The following METTL25 variants were observed in gnomAD, a reference collection of about 807,000 sequenced individuals.
METTL25 encodes the protein probable methyltransferase-like protein 25.
Under a neutral mutation model 71.6 loss-of-function variants are expected in METTL25, and 64 were observed. That is an observed-to-expected ratio of 0.89 (90% CI 0.73 to 1.10). The LOEUF is 1.10. Among genes scored for constraint, METTL25 ranks in the 50% least tolerant of loss-of-function variants. METTL25 has a pLI of 0.00. For synonymous variants in METTL25, 287 were observed against 250.3 expected, an observed-to-expected ratio of 1.15 and a Z score of -1.38; for missense variants, 807 against 707.0, an observed-to-expected ratio of 1.14 and a Z score of -1.60.
At chr12:82,372,779 TG>T (rs1678396792) in intron 1 of METTL25, among the ~76,000 whole-genome samples, 1 of 152,152 alleles carries the variant, frequency 6.6e-6, no homozygotes, top group Non-Finnish European at 1.5e-5. Flanking sequence ...CCTGTGATTT[TG>T]GTTTGTTTGT....
intron 7 of METTL25, among the ~76,000 whole-genome samples, chr12:82,437,714 A>T (rs1890021355): frequency 6.6e-6 from 1 of 151,748 alleles, no homozygotes; most frequent in Admixed American, 6.6e-5. Flanking sequence ...AACTCCATGG[A>T]TATACACGTT....
At chr12:82,475,958 G>T (rs1219092535) in intron 9 of METTL25, among the ~76,000 whole-genome samples, 1 of 151,958 alleles carries the variant, frequency 6.6e-6, no homozygotes, top group African/African-American at 2.4e-5. Context: ...TCAGATTTTG[G>T]AGCATTTCAG....
chr12:82,383,053 G>A (rs964116944), intron 1 of METTL25, among the ~76,000 whole-genome samples: 13 of 152,120 alleles, frequency 8.5e-5, no homozygotes, highest in African/African-American at 3.1e-4. Flanking sequence ...AGAGGGAGGT[G>A]TAGAGGGGAG....
intron 1 of METTL25, among the ~76,000 whole-genome samples, chr12:82,378,612 C>T (rs938867370): frequency 2.0e-5 from 3 of 152,090 alleles, no homozygotes; most frequent in Non-Finnish European, 4.4e-5. Flanking sequence ...AAGAAAAATA[C>T]AGTTTTAAGA....
chr12:82,439,960 C>A, intron 8 of METTL25: 1 of 288,300 alleles, frequency 3.5e-6, no homozygotes, highest in Non-Finnish European at 5.2e-6. Flanking sequence ...GCTCCACATG[C>A]CTGTGTTCCT....
chr12:82,407,499 A>C (rs1300820697), intron 5 of METTL25, among the ~76,000 whole-genome samples: 1 of 152,192 alleles, frequency 6.6e-6, no homozygotes, highest in Non-Finnish European at 1.5e-5. Flanking sequence ...CTTACCCATC[A>C]AGAATCATTG....
At chr12:82,428,177 A>G (rs565554989) in intron 5 of METTL25, among the ~76,000 whole-genome samples, 1 of 152,020 alleles carries the variant, frequency 6.6e-6, no homozygotes, top group African/African-American at 2.4e-5. Flanking sequence ...TGGAATTTGC[A>G]CATATAATTT....
chr12:82,369,902 C>T (rs1398033103), intron 1 of METTL25, among the ~76,000 whole-genome samples: 1 of 152,120 alleles, frequency 6.6e-6, no homozygotes, highest in East Asian at 1.9e-4. Flanking sequence ...CTGATTGGTG[C>T]GTTTTTACAG....
chr12:82,428,464 T>C (rs187543579), intron 5 of METTL25, among the ~76,000 whole-genome samples: 33 of 152,018 alleles, frequency 2.2e-4, no homozygotes, highest in Admixed American at 7.2e-4. Flanking sequence ...AAAATACTTA[T>C]TGTAACCCTT....
rs558136565 is a variant in METTL25 at position 82,476,446 on chromosome 12, C to T, written c.1573-198C>T. 8.3e-6 allele frequency: 4 copies of T among 480,384 alleles called. No individual in the cohort carries two copies. The South Asian group carries it at 1.4e-4, about 17-fold the overall frequency. 29.8% of individuals were successfully genotyped at this position (480,384 alleles called of 1,614,324 possible). ...TGGTGGTTTTATTTATGATGTGCTG[C>T]ATAACCTATATCAGTGTAAAAATTT... On this transcript the variant is annotated intron_variant, in intron 9 of 11. Transcript: ENST00000248306.
At chr12:82,446,195 A>C (rs1234198155) in intron 8 of METTL25, among the ~76,000 whole-genome samples, 1 of 152,186 alleles carries the variant, frequency 6.6e-6, no homozygotes, top group Admixed American at 6.5e-5. Context: ...ATAGATCTAA[A>C]GGGAGAGATA....
At chr12:82,384,674 T>A (rs1884790532) in intron 1 of METTL25, among the ~76,000 whole-genome samples, 1 of 152,126 alleles carries the variant, frequency 6.6e-6, no homozygotes, top group African/African-American at 2.4e-5. Flanking sequence ...TTTCTGAAAT[T>A]GCTGAGACCT....
chr12:82,358,890 C>G (rs761747897), intron 1 of METTL25, 66 bp downstream of exon 1: 35 of 1,529,118 alleles, frequency 2.3e-5, no homozygotes, highest in Non-Finnish European at 2.8e-5. Flanking sequence ...ACGAAGCGAG[C>G]CCCCTGGTGG....
intron 8 of METTL25, among the ~76,000 whole-genome samples, chr12:82,451,663 A>G (rs1453070195): frequency 2.6e-5 from 4 of 152,126 alleles, no homozygotes; most frequent in African/African-American, 7.2e-5. Context: ...ACTCTGAAAA[A>G]CACAGGAAAA....
intron 8 of METTL25, among the ~76,000 whole-genome samples, chr12:82,443,627 C>T (rs1210734383): frequency 6.6e-6 from 1 of 152,080 alleles, no homozygotes; most frequent in Non-Finnish European, 1.5e-5. Context: ...CACAGTTAAG[C>T]AGACTATACA....
At chr12:82,477,392 T>C (rs771120282) in intron 11 of METTL25, 40 bp downstream of exon 11, 3 of 1,111,970 alleles carry the variant, frequency 2.7e-6, no homozygotes, top group East Asian at 4.8e-5. Context: ...AAATATCTTA[T>C]TAAATACAGT....
chr12:82,358,668 AATGCACATACCGT>A lies in METTL25; in HGVS notation c.104_116del (p.Asn35ArgfsTer24). On this transcript the variant is annotated frameshift_variant, in exon 1 of 12. Coordinates refer to ENST00000248306, the MANE Select transcript of METTL25 (RefSeq NM_032230.3). LOFTEE classifies it high-confidence loss of function. ...CCTGAGGGATGCCCTGTCCATTTCC[AATGCACATACCGT>A]GGATTTCTACACAGAATCCGTGTGG... is the stretch of plus-strand genomic sequence containing the variant. 1 of 1,614,070 alleles carries A rather than the reference AATGCACATACCGT, an allele frequency of 6.2e-7. No homozygotes were observed.
intron 8 of METTL25, among the ~76,000 whole-genome samples, chr12:82,450,587 A>G (rs989428626): frequency 1.4e-4 from 22 of 152,250 alleles, no homozygotes; most frequent in African/African-American, 5.1e-4. Flanking sequence ...TCCTGCTCAC[A>G]ATCTTCCAGT....
chr12:82,459,005 C>T (rs1891681185), intron 9 of METTL25, among the ~76,000 whole-genome samples: 1 of 152,086 alleles, frequency 6.6e-6, no homozygotes, highest in Non-Finnish European at 1.5e-5. Context: ...AATCATTTCC[C>T]CTCCCCTCAC....
Sources: gnomAD v4.1 joint callset for allele counts (sites outside exome capture counted in the v4.1 genomes callset) on GRCh38, gnomAD v4.1.1 for gene constraint, MANE v1.5 for transcripts, NCBI Gene and HGNC (gene_info 2026-07-23, HGNC 2026-07-21) for gene names.